The following DTD1 variants were observed in gnomAD, a reference collection of about 807,000 sequenced individuals.
The protein encoded by DTD1 is D-aminoacyl-tRNA deacylase 1, also known as D-tyrosyl-tRNA deacylase 1 homolog.
A neutral mutation model predicts 25.6 loss-of-function variants in DTD1; 13 were observed. That is an observed-to-expected ratio of 0.51 (90% confidence interval 0.33 to 0.81). The LOEUF is 0.81. Ranked by LOEUF, DTD1 falls within the 30% of genes least tolerant of loss-of-function variation. The pLI is 0.02. For synonymous variants in DTD1, 110 were observed against 103.6 expected (o/e 1.06, Z -0.37); for missense variants, 193 against 266.4 (o/e 0.72, Z 1.92).
At chr20:18,718,818 T>C (rs907786292) in intron 4 of DTD1, among the ~76,000 whole-genome samples, 4 of 152,202 alleles carry the variant, frequency 2.6e-5, no homozygotes, top group Non-Finnish European at 5.9e-5. Context: ...TTATTTTATG[T>C]TCCCTTTGGC....
At chr20:18,671,676 T>A (rs2060951555) in intron 4 of DTD1, among the ~76,000 whole-genome samples, 1 of 152,240 alleles carries the variant, frequency 6.6e-6, no homozygotes, top group African/African-American at 2.4e-5. Context: ...TGACTATATT[T>A]GCTTAATTTC....
At chr20:18,674,306 G>GA (rs1462852465) in intron 4 of DTD1, 1 of 152,070 alleles carries the variant, frequency 6.6e-6, no homozygotes, top group East Asian at 1.9e-4. Context: ...GAGGGGAATG[G>GA]AAAAAATGCT....
intron 4 of DTD1, among the ~76,000 whole-genome samples, chr20:18,702,744 C>CAAAAAA (rs10583250): frequency 8.1e-6 from 1 of 123,114 alleles, no homozygotes. Context: ...TGGAATGAGG[C>CAAAAAA]AAAAAAAAAA....
chr20:18,612,902 G>A (rs917493272), intron 3 of DTD1, among the ~76,000 whole-genome samples: 1 of 152,054 alleles, frequency 6.6e-6, no homozygotes, highest in Non-Finnish European at 1.5e-5. Flanking sequence ...CAAGTGATCT[G>A]CACACTTCCG....
chr20:18,635,676 CT>C (rs1182165499), intron 4 of DTD1, among the ~76,000 whole-genome samples: 14 of 152,166 alleles, frequency 9.2e-5, no homozygotes, highest in Admixed American at 8.5e-4. Context: ...AGATGTTTTT[CT>C]TCCTGGTGGA....
intron 3 of DTD1, among the ~76,000 whole-genome samples, chr20:18,617,741 G>A (rs942036129): frequency 6.7e-6 from 1 of 149,896 alleles, no homozygotes; most frequent in African/African-American, 2.4e-5. Context: ...GCAAATGTGA[G>A]CAAATATGAA....
At chr20:18,598,488 T>G (rs992668683) in intron 3 of DTD1, among the ~76,000 whole-genome samples, 1 of 151,972 alleles carries the variant, frequency 6.6e-6, no homozygotes, top group African/African-American at 2.4e-5. Flanking sequence ...TTTGGGTGTA[T>G]ACTCAGTAAC....
chr20:18,675,891 G>A (rs1302417205), intron 4 of DTD1, among the ~76,000 whole-genome samples: 1 of 4,276 alleles, frequency 2.3e-4, no homozygotes, highest in African/African-American at 1.3e-3. Flanking sequence ...TTTACGAAAT[G>A]GGATCACAAC....
At chr20:18,683,761 C>T (rs1316600521) in intron 4 of DTD1, among the ~76,000 whole-genome samples, 1 of 152,210 alleles carries the variant, frequency 6.6e-6, no homozygotes, top group Non-Finnish European at 1.5e-5. Flanking sequence ...TAGCAGTATT[C>T]CCAGAGGTGG....
At chr20:18,601,277 A>G (rs2060633203) in intron 3 of DTD1, among the ~76,000 whole-genome samples, 1 of 152,134 alleles carries the variant, frequency 6.6e-6, no homozygotes, top group Admixed American at 6.6e-5. Context: ...AGGAGGTCAG[A>G]TCATTTGAAG....
intron 4 of DTD1, among the ~76,000 whole-genome samples, chr20:18,657,807 G>T (rs1250627471): frequency 6.6e-6 from 1 of 152,190 alleles, no homozygotes; most frequent in Non-Finnish European, 1.5e-5. Flanking sequence ...TCTTCTCCAC[G>T]TGGGCCTCCC....
intron 4 of DTD1, among the ~76,000 whole-genome samples, chr20:18,629,554 C>T (rs1178409506): frequency 6.6e-6 from 1 of 151,988 alleles, no homozygotes; most frequent in Admixed American, 6.6e-5. Context: ...CCTAGGGCCT[C>T]AGCCTCCCAA....
intron 4 of DTD1, among the ~76,000 whole-genome samples, chr20:18,637,427 T>C (rs1025269760): frequency 1.5e-4 from 23 of 152,214 alleles, no homozygotes; most frequent in African/African-American, 5.5e-4. Flanking sequence ...CTGGGTGACA[T>C]TGAGGCATAT....
At chr20:18,736,280 G>C (rs2061254752) in intron 4 of DTD1, among the ~76,000 whole-genome samples, 1 of 152,184 alleles carries the variant, frequency 6.6e-6, no homozygotes, top group Non-Finnish European at 1.5e-5. Flanking sequence ...GCTGGTTGCA[G>C]GCAGCTCACC....
intron 4 of DTD1, among the ~76,000 whole-genome samples, chr20:18,650,490 G>T (rs6136452): frequency 0.51 from 77,376 of 151,988 alleles, 20,061 homozygotes; most frequent in Middle Eastern, 0.57. Flanking sequence ...TGCACGCTGA[G>T]CACCCTACTT....
chr20:18,706,360 T>G (rs1433042484), intron 4 of DTD1, among the ~76,000 whole-genome samples: 1 of 152,238 alleles, frequency 6.6e-6, no homozygotes, highest in Non-Finnish European at 1.5e-5. Flanking sequence ...ATGAAAAGCA[T>G]CATTGAAATT....
intron 2 of DTD1, among the ~76,000 whole-genome samples, chr20:18,595,450 A>G (rs1287443330): frequency 6.6e-6 from 1 of 152,030 alleles, no homozygotes; most frequent in Non-Finnish European, 1.5e-5. Flanking sequence ...TAGTTTTAGT[A>G]GTAGAGATGG....
chr20:18,721,384 A>C (rs558279817), intron 4 of DTD1, among the ~76,000 whole-genome samples: 1 of 152,160 alleles, frequency 6.6e-6, no homozygotes, highest in Non-Finnish European at 1.5e-5. Context: ...ATGTTAAACT[A>C]TCTTTGCCTT....
chr20:18,632,365 T>G (rs956512152), intron 4 of DTD1: 2 of 985,452 alleles, frequency 2.0e-6, no homozygotes, highest in Admixed American at 1.2e-4. Context: ...AACATTGCAC[T>G]GCGCTCTGCC....
Sources: gnomAD v4.1 joint callset for allele counts (sites outside exome capture counted in the v4.1 genomes callset) on GRCh38, gnomAD v4.1.1 for gene constraint, MANE v1.5 for transcripts, NCBI Gene and HGNC (gene_info 2026-07-23, HGNC 2026-07-21) for gene names.